STXBP5: variants seen among roughly 807,000 people sequenced by gnomAD.
STXBP5 encodes syntaxin binding protein 5, also known as syntaxin-binding protein 5.
Under a neutral mutation model 152.4 loss-of-function variants are expected in STXBP5, and 50 were observed. The observed-to-expected ratio is 0.33, with a 90% CI of 0.26 to 0.42. The LOEUF (loss-of-function observed/expected upper bound fraction) is 0.42. Ranked by LOEUF, STXBP5 falls within the 10% of genes least tolerant of loss-of-function variation. STXBP5 has a pLI of 1.00. For missense variants in STXBP5, 1,167 were observed against 1,388.6 expected (o/e 0.84, Z 2.54); for synonymous variants, 492 against 494.7 (o/e 0.99, Z 0.07).
chr6:147,383,755 A>G (rs1583022245), intron 27 of STXBP5, among the ~76,000 whole-genome samples: 1 of 152,006 alleles, frequency 6.6e-6, no homozygotes, highest in South Asian at 2.1e-4. Flanking sequence ...TGAGCACCCA[A>G]TCTGTAGTGG....
In STXBP5 at chr6:147,384,778, A is replaced by G; in HGVS notation, c.*23A>G. ...TGACAACCAGAATCCAATAAGTCCA[A>G]CTTCAGCCAGAAGGAAAAAAGTTTT... On this transcript the variant is annotated 3_prime_UTR_variant, in exon 28 of 28. Transcript: ENST00000321680. 6.2e-7 allele frequency: 1 copy of G among 1,602,702 alleles called. No individual in the cohort carries two copies.
At position 147,207,853 on chromosome 6, in the gene STXBP5, A is replaced by T. The variant is rs938756230; in HGVS notation, c.248+1785A>T. Among the ~76,000 whole-genome samples, 4 of 152,146 alleles carry T rather than the reference A, an allele frequency of 2.6e-5. No homozygotes were observed. In the South Asian group the frequency reaches 6.2e-4, roughly 24 times the overall value. ...ATAACCTCTTTTCCTTGTAACATCC[A>T]ATCTGGCCCTTTTATAATTTAGTAT... On this transcript the variant is annotated intron_variant, in intron 2 of 27. Transcript: ENST00000321680.
rs373940110 is a variant in STXBP5, at chr6:147,334,158, C to A, written c.2082C>A (p.Ala694=). ...TTGTTTTTTGTTTTTGTTTTGTAGCCGGTCTGTGTGATATTAGTGAAGGGA... is the reference window on the plus strand; with the variant it reads ...TTGTTTTTTGTTTTTGTTTTGTAGCAGGTCTGTGTGATATTAGTGAAGGGA... ...SPRKSRQPSG[A]GLCDISEGTV... is the part of the protein sequence containing the mutation. The change falls in exon 19 of 28, where the codon GCC becomes GCA. Residue 694 remains alanine, a splice_region_variant and synonymous_variant. Coordinates refer to ENST00000321680, the MANE Select transcript of STXBP5 (RefSeq NM_001127715.4). 1 of 1,611,516 alleles carries A rather than the reference C, an allele frequency of 6.2e-7. No individual in the cohort carries two copies. The highest frequency in any genetic ancestry group is 1.7e-5 in the Admixed American group (1 of 59,906).
chr6:147,324,336 G>A (rs9399597), intron 16 of STXBP5, among the ~76,000 whole-genome samples: 61,120 of 137,514 alleles, frequency 0.44, 13,994 homozygotes, highest in Non-Finnish European at 0.51. Context: ...ACAATGGCGC[G>A]ATCTCGGCTC....
chr6:147,372,466 A>ATTTTTTTTTTTTTTT (rs1583009621), intron 25 of STXBP5, among the ~76,000 whole-genome samples: 1 of 62,598 alleles, frequency 1.6e-5, no homozygotes, highest in Non-Finnish European at 3.1e-5. Flanking sequence ...TTTGAGACAG[A>ATTTTTTTTTTTTTTT]TTCTTTTGCC....
In STXBP5 at chr6:147,363,319, G is replaced by T. The variant is rs368725676; in HGVS notation, c.2546-16G>T. The T allele has an allele frequency of 1.0e-5, 16 of 1,543,314 alleles. No homozygotes were observed. Among genetic ancestry groups the T allele is most frequent in the African/African-American group, 2.8e-5 (2 of 71,960 alleles). ...ATTAAAATATTTCAGTTATTTACTA[G>T]ACTTCTATATTTTAGGTACTATATT... On this transcript the variant is annotated splice_polypyrimidine_tract_variant and intron_variant, in intron 23 of 27. Coordinates refer to ENST00000321680, the MANE Select transcript of STXBP5 (RefSeq NM_001127715.4).
intron 25 of STXBP5, among the ~76,000 whole-genome samples, chr6:147,371,124 C>A (rs1038838670): frequency 6.6e-6 from 1 of 151,898 alleles, no homozygotes; most frequent in Non-Finnish European, 1.5e-5. Flanking sequence ...TTCAGAAATA[C>A]CATCTACTAT....
At chr6:147,205,895 A>G (rs1046036934) in intron 1 of STXBP5, 76 bp from the exon 2 acceptor site, 20 of 1,103,092 alleles carry the variant, frequency 1.8e-5, no homozygotes, top group African/African-American at 3.1e-5. Context: ...TCTAAATTCT[A>G]ACGCCTCTAT....
intron 4 of STXBP5, among the ~76,000 whole-genome samples, chr6:147,259,353 C>CA (rs972848071): frequency 7.2e-5 from 11 of 152,084 alleles, no homozygotes; most frequent in African/African-American, 2.7e-4. Context: ...TTGTGAGTAA[C>CA]AAAGTACTAT....
chr6:147,361,647 A>G (rs1027834922), intron 23 of STXBP5, among the ~76,000 whole-genome samples: 1 of 152,180 alleles, frequency 6.6e-6, no homozygotes, highest in African/African-American at 2.4e-5. Flanking sequence ...ACTAGGAAAC[A>G]TGCTAAAGTC....
chr6:147,312,969 G>A (rs2128372598), intron 11 of STXBP5, among the ~76,000 whole-genome samples: 1 of 152,256 alleles, frequency 6.6e-6, no homozygotes, highest in African/African-American at 2.4e-5. Context: ...AAAAGTATCA[G>A]TTAAATGTAT....
chr6:147,219,652 G>C (rs1777356895), intron 2 of STXBP5, among the ~76,000 whole-genome samples: 1 of 151,988 alleles, frequency 6.6e-6, no homozygotes, highest in Admixed American at 6.6e-5. Context: ...CATTTCATCT[G>C]TGTCATCAAA....
Position 147,265,013 on chromosome 6 carries a change from G to A in STXBP5, c.631-2071G>A, listed in dbSNP as rs185963234. ...TAATACTAGAACTCAGGTTACTTAGGTCCTAAGCAGTGCAGTGCTGTTTAC... is the reference window on the plus strand; with the variant it reads ...TAATACTAGAACTCAGGTTACTTAGATCCTAAGCAGTGCAGTGCTGTTTAC... On this transcript the variant is annotated intron_variant, in intron 6 of 27. Transcript: ENST00000321680. 2.5e-3 allele frequency among the ~76,000 whole-genome samples: 373 copies of A among 152,130 alleles called. 2 individuals are homozygous for A. The highest frequency in any genetic ancestry group is 8.1e-3 in the African/African-American group (335 of 41,532).
At chr6:147,254,670 A>T (rs937911503) in intron 4 of STXBP5, among the ~76,000 whole-genome samples, 1 of 152,236 alleles carries the variant, frequency 6.6e-6, no homozygotes, top group Non-Finnish European at 1.5e-5. Context: ...TTATGCAGAC[A>T]CTTCTCAAAT....
chr6:147,210,359 G>A (rs1268877216), intron 2 of STXBP5, among the ~76,000 whole-genome samples: 7 of 152,058 alleles, frequency 4.6e-5, no homozygotes, highest in South Asian at 2.1e-4. Context: ...TCTTATTTTA[G>A]TGTGAGAATT....
chr6:147,337,888 C>G (rs1000537104), intron 19 of STXBP5, among the ~76,000 whole-genome samples: 3 of 152,002 alleles, frequency 2.0e-5, no homozygotes, highest in Non-Finnish European at 2.9e-5. Context: ...CTTCTAAGAC[C>G]ACTATAAAAG....
intron 8 of STXBP5, among the ~76,000 whole-genome samples, chr6:147,287,429 C>G (rs535492647): frequency 1.3e-5 from 2 of 151,884 alleles, no homozygotes; most frequent in South Asian, 2.1e-4. Context: ...GTCTCGATCT[C>G]CTGACCTCGT....
intron 7 of STXBP5, among the ~76,000 whole-genome samples, chr6:147,277,492 T>G (rs1187245258): frequency 6.6e-6 from 1 of 152,064 alleles, no homozygotes; most frequent in Non-Finnish European, 1.5e-5. Context: ...GATATAAAAA[T>G]ATTTTCCAGA....
intron 17 of STXBP5, 131 bp from the exon 18 acceptor site, chr6:147,326,994 A>G (rs1299638515): frequency 5.5e-6 from 4 of 728,480 alleles, no homozygotes; most frequent in East Asian, 5.5e-5. Flanking sequence ...TTCAGTTCCT[A>G]TAGTTGTCTT....
Sources: allele counts gnomAD v4.1 joint callset (sites outside exome capture counted in the v4.1 genomes callset), GRCh38; gene constraint gnomAD v4.1.1; transcripts MANE v1.5; gene names NCBI Gene and HGNC (gene_info 2026-07-23, HGNC 2026-07-21).